KCNIP4: variants seen among roughly 807,000 people sequenced by gnomAD.
KCNIP4 encodes Kv channel-interacting protein 4.
In KCNIP4, 12 loss-of-function variants were observed where a neutral mutation model predicts 34.0. The ratio of observed to expected loss-of-function variants is 0.35; its 90% confidence interval spans 0.23 to 0.57. The LOEUF (loss-of-function observed/expected upper bound fraction) is 0.57, where lower values mean the gene tolerates loss of function less well. Ranked by LOEUF, KCNIP4 falls within the 20% of genes least tolerant of loss-of-function variation. The pLI is 0.83. For synonymous variants in KCNIP4, 124 were observed against 102.2 expected, an observed-to-expected ratio of 1.21 and a Z score of -1.29; for missense variants, 238 against 311.7, an observed-to-expected ratio of 0.76 and a Z score of 1.78.
intron 1 of KCNIP4, among the ~76,000 whole-genome samples, chr4:20,917,550 A>G (rs1182729568): frequency 6.6e-6 from 1 of 152,204 alleles, no homozygotes; most frequent in Non-Finnish European, 1.5e-5. Context: ...TAATCATTCC[A>G]TAACCTCAAA....
At chr4:21,869,395 G>A (rs1027128534) in intron 1 of KCNIP4, among the ~76,000 whole-genome samples, 5 of 152,042 alleles carry the variant, frequency 3.3e-5, no homozygotes, top group Non-Finnish European at 4.4e-5. Context: ...AAACAAAACC[G>A]AATCTAAATT....
chr4:21,718,352 T>C (rs1236225852), intron 1 of KCNIP4: 2 of 152,224 alleles, frequency 1.3e-5, no homozygotes, highest in African/African-American at 2.4e-5. Flanking sequence ...TTATGTTGAA[T>C]TGTATATGGT....
Position 21,176,654 on chromosome 4 carries a change from C to CT in KCNIP4, c.62-293946dup, listed in dbSNP as rs113988834. On this transcript the variant is annotated intron_variant, in intron 1 of 8. Transcript: ENST00000382152. ...TCTCCTGCCTTAGTCACCCAAGTAG[C>CT]TGGGATTCAGGCATGTGCCACCACG... Among the ~76,000 whole-genome samples the CT allele has an allele frequency of 6.6e-5, 10 of 152,306 alleles. 1 individual carries two copies. The highest frequency in any genetic ancestry group is 2.4e-4 in the African/African-American group (10 of 41,572).
At chr4:21,945,648 G>C (rs1252625432) in intron 1 of KCNIP4, among the ~76,000 whole-genome samples, 1 of 151,776 alleles carries the variant, frequency 6.6e-6, no homozygotes, top group Non-Finnish European at 1.5e-5. Flanking sequence ...CTCTAAGTTA[G>C]ATGGCACAAA....
intron 1 of KCNIP4, among the ~76,000 whole-genome samples, chr4:21,677,484 C>A (rs1750000600): frequency 6.6e-6 from 1 of 152,136 alleles, no homozygotes; most frequent in South Asian, 2.1e-4. Flanking sequence ...CCATCAGTAC[C>A]TCTTGAATCT....
intron 1 of KCNIP4, among the ~76,000 whole-genome samples, chr4:21,468,413 G>T (rs1273141612): frequency 6.6e-6 from 1 of 152,114 alleles, no homozygotes; most frequent in Admixed American, 6.5e-5. Context: ...AAGACTGCTC[G>T]CAATCTCCAA....
chr4:21,077,208 T>C (rs1337362961), intron 1 of KCNIP4, among the ~76,000 whole-genome samples: 3 of 152,094 alleles, frequency 2.0e-5, no homozygotes, highest in African/African-American at 7.2e-5. Flanking sequence ...TTATTTGTGT[T>C]GTCATCAACC....
At chr4:21,117,317 G>C (rs901326102) in intron 1 of KCNIP4, among the ~76,000 whole-genome samples, 14 of 118,608 alleles carry the variant, frequency 1.2e-4, no homozygotes, top group South Asian at 7.1e-4. Flanking sequence ...GGGGGGGGGG[G>C]GGCGCTGTTT....
rs73247399 is a variant in KCNIP4, at chr4:21,210,191, G to A, written c.62-327482C>T. On this transcript the variant is annotated intron_variant, in intron 1 of 8. Coordinates refer to ENST00000382152, the MANE Select transcript of KCNIP4 (RefSeq NM_025221.6). ...TTCACTCAACTAGCTGCCTGGTAAAGACTGTTGCCTCATTAACAATTGTTG... is the reference window on the plus strand; with the variant it reads ...TTCACTCAACTAGCTGCCTGGTAAAAACTGTTGCCTCATTAACAATTGTTG... Among the ~76,000 whole-genome samples the A allele has an allele frequency of 5.9e-3, 893 of 152,278 alleles. 7 individuals are homozygous for A. The highest frequency in any genetic ancestry group is 8.5e-3 in the Non-Finnish European group (580 of 68,010).
At chr4:21,628,669 A>C (rs753991329) in intron 1 of KCNIP4, among the ~76,000 whole-genome samples, 2 of 152,146 alleles carry the variant, frequency 1.3e-5, no homozygotes, top group Non-Finnish European at 2.9e-5. Flanking sequence ...CTTTTTTACT[A>C]TTATTCAATG....
Position 20,850,495 on chromosome 4 carries a change from G to A in KCNIP4, c.288+48C>T, listed in dbSNP as rs1485137945. ...CCCCCTTTTCCTCTCATTTCTCAATGCTCCTCTGGGAATTGTGTGAAGGTA... is the reference window on the plus strand; with the variant it reads ...CCCCCTTTTCCTCTCATTTCTCAATACTCCTCTGGGAATTGTGTGAAGGTA... On this transcript the variant is annotated intron_variant, in intron 3 of 8. Coordinates refer to ENST00000382152, the MANE Select transcript of KCNIP4 (RefSeq NM_025221.6). 3.1e-6 allele frequency: 5 copies of A among 1,589,704 alleles called. No individual in the cohort carries two copies. The South Asian group carries it at 5.6e-5, about 18-fold the overall frequency.
At chr4:21,393,601 T>C (rs969876980) in intron 1 of KCNIP4, among the ~76,000 whole-genome samples, 4 of 152,192 alleles carry the variant, frequency 2.6e-5, no homozygotes, top group East Asian at 3.9e-4. Flanking sequence ...CAAAACAAAT[T>C]TGTTTTACAG....
chr4:21,896,333 T>C (rs1046062196), intron 1 of KCNIP4, among the ~76,000 whole-genome samples: 1 of 152,160 alleles, frequency 6.6e-6, no homozygotes, highest in Non-Finnish European at 1.5e-5. Flanking sequence ...CACAAGGTAC[T>C]ATCAGCCCTG....
chr4:21,495,514 G>T (rs570198766), intron 1 of KCNIP4, among the ~76,000 whole-genome samples: 3 of 152,244 alleles, frequency 2.0e-5, no homozygotes, highest in Admixed American at 2.0e-4. Context: ...TATCATTAAT[G>T]ATCCGATGAT....
At chr4:21,061,880 A>G (rs908197537) in intron 1 of KCNIP4, among the ~76,000 whole-genome samples, 22 of 152,158 alleles carry the variant, frequency 1.4e-4, no homozygotes, top group African/African-American at 5.1e-4. Flanking sequence ...TAAGAAAAGG[A>G]GATTAGAACA....
At chr4:21,933,074 A>G (rs1287337170) in intron 1 of KCNIP4, among the ~76,000 whole-genome samples, 6 of 151,152 alleles carry the variant, frequency 4.0e-5, no homozygotes, top group Non-Finnish European at 8.9e-5. Context: ...AAAACAGAAC[A>G]CCAAAATAGA....
chr4:20,877,697 C>A (rs774263385), intron 2 of KCNIP4, among the ~76,000 whole-genome samples: 3 of 152,150 alleles, frequency 2.0e-5, no homozygotes, highest in Non-Finnish European at 4.4e-5. Flanking sequence ...TGGGTGCCAA[C>A]CGTATGAAAT....
At chr4:21,170,488 T>C (rs987821606) in intron 1 of KCNIP4, among the ~76,000 whole-genome samples, 1 of 152,160 alleles carries the variant, frequency 6.6e-6, no homozygotes, top group Non-Finnish European at 1.5e-5. Context: ...AATATGAATC[T>C]TCTATATTTT....
intron 1 of KCNIP4, among the ~76,000 whole-genome samples, chr4:21,262,850 A>C (rs1761560163): frequency 6.6e-6 from 1 of 152,218 alleles, no homozygotes; most frequent in African/African-American, 2.4e-5. Flanking sequence ...TCACTTGTCT[A>C]TATCTCTCAT....
Sources: allele counts gnomAD v4.1 joint callset (sites outside exome capture counted in the v4.1 genomes callset), GRCh38; gene constraint gnomAD v4.1.1; transcripts MANE v1.5; gene names NCBI Gene and HGNC (gene_info 2026-07-23, HGNC 2026-07-21).